The following GOLM1 variants were observed in gnomAD, a reference collection of about 807,000 sequenced individuals.
GOLM1 encodes epididymis luminal protein 46.
GOLM1 carries 31 observed loss-of-function variants against 50.5 expected under a neutral mutation model. The observed-to-expected ratio is 0.61, with a 90% CI of 0.46 to 0.83. The LOEUF (loss-of-function observed/expected upper bound fraction) is 0.83. GOLM1 is among the 40% of genes least tolerant of loss of function. The pLI is 0.00. For synonymous variants in GOLM1, 178 were observed against 192.8 expected (o/e 0.92, Z 0.64); for missense variants, 491 against 501.3 (o/e 0.98, Z 0.20).
At chr9:86,077,751 G>A (rs1834662606) in intron 2 of GOLM1, 160 bp from the exon 3 acceptor site, 2 of 585,112 alleles carry the variant, frequency 3.4e-6, no homozygotes, top group African/African-American at 3.7e-5. Flanking sequence ...GACAGAAGCT[G>A]GAGCGGTTTC....
At position 86,026,916 on chromosome 9, in the gene GOLM1, T is replaced by G; in HGVS notation, c.*901A>C. 1.0e-6 allele frequency: 1 copy of G among 984,944 alleles called. No individual in the cohort carries two copies. The highest frequency in any genetic ancestry group is 1.2e-6 in the Non-Finnish European group (1 of 829,550). 61.0% of individuals were successfully genotyped at this position (984,944 alleles called of 1,614,324 possible). ...ATATATCCTTCGACATCAATGAACT[T>G]TGTTTTCTTTTACTCCAGTAATAAA... On this transcript the variant is annotated 3_prime_UTR_variant, in exon 10 of 10. Coordinates refer to ENST00000388712, the MANE Select transcript of GOLM1 (RefSeq NM_016548.4).
At chr9:86,052,719 C>T (rs1833797141) in intron 3 of GOLM1, 128 bp from the exon 4 acceptor site, 1 of 728,460 alleles carries the variant, frequency 1.4e-6, no homozygotes, top group African/African-American at 2.0e-5. Flanking sequence ...AGCTCGCACT[C>T]AGCGCTCAGG....
chr9:86,033,450 G>A, intron 8 of GOLM1, 55 bp from the exon 9 acceptor site: 2 of 1,083,002 alleles, frequency 1.8e-6, no homozygotes, highest in Non-Finnish European at 2.8e-6. Flanking sequence ...TGATGTCACA[G>A]GACTATCAGA....
chr9:86,061,627 G>A (rs1214448948), intron 3 of GOLM1, among the ~76,000 whole-genome samples: 2 of 152,178 alleles, frequency 1.3e-5, no homozygotes, highest in African/African-American at 2.4e-5. Context: ...GACTTTGGAC[G>A]CTTCGTTTAA....
upstream of GOLM1, chr9:86,099,678 C>T (rs148272757): frequency 6.6e-6 from 1 of 150,938 alleles, no homozygotes; most frequent in Admixed American, 6.6e-5. Flanking sequence ...ACTCCCGGCC[C>T]CACGGTGCGC....
intron 3 of GOLM1, among the ~76,000 whole-genome samples, chr9:86,075,539 G>C (rs1834584810): frequency 6.6e-6 from 1 of 152,134 alleles, no homozygotes; most frequent in Non-Finnish European, 1.5e-5. Flanking sequence ...CAGATCCAGA[G>C]AATTTAAGTG....
chr9:86,058,402 A>G (rs1484975606), intron 3 of GOLM1, among the ~76,000 whole-genome samples: 3 of 152,202 alleles, frequency 2.0e-5, no homozygotes, highest in Non-Finnish European at 4.4e-5. Flanking sequence ...CACATCTATC[A>G]GTATGGCTAT....
Position 86,077,596 on chromosome 9 carries a change from A to G in GOLM1, c.130-5T>C. 1 of 1,611,414 alleles carries G rather than the reference A, an allele frequency of 6.2e-7. No homozygotes were observed. Among genetic ancestry groups the G allele is most frequent in the Non-Finnish European group, 8.5e-7 (1 of 1,178,112 alleles). ...TTCCAGCTCCATGATCCGTGTCTAC[A>G]AGGAGACCGTGGCATTAGGGCTGAT... On this transcript the variant is annotated splice_polypyrimidine_tract_variant and splice_region_variant and intron_variant, in intron 2 of 9. Transcript: ENST00000388712.
chr9:86,085,526 A>G (rs1834931249), intron 1 of GOLM1, among the ~76,000 whole-genome samples: 1 of 150,518 alleles, frequency 6.6e-6, no homozygotes, highest in Non-Finnish European at 1.5e-5. Context: ...CATGTGCAAA[A>G]CGTGCAGGTT....
rs1291260602 is a variant in GOLM1 at position 86,035,869 on chromosome 9, AAAAAAAAACAAAAC to A, written c.758-258_758-245del. 1.1e-3 allele frequency among the ~76,000 whole-genome samples: 140 copies of A among 130,092 alleles called. 10 individuals carry two copies. Among genetic ancestry groups the A allele is most frequent in the African/African-American group, 1.5e-3 (50 of 33,722 alleles). The allele number at this position is 130,092 out of a possible 152,430, so 85.3% of individuals were successfully genotyped here. A position where few individuals can be genotyped will look rare whatever the true frequency, so the allele number is the denominator to read the frequency against. ...GACAAAGGGAAAAGTAGCTTACCAA[AAAAAAAAACAAAAC>A]AAAAAAAAAAAAACACCTGGACTAA... On this transcript the variant is annotated intron_variant, in intron 7 of 9. Coordinates refer to ENST00000388712, the MANE Select transcript of GOLM1 (RefSeq NM_016548.4).
chr9:86,060,862 G>A (rs1479760321), intron 3 of GOLM1, among the ~76,000 whole-genome samples: 1 of 84,660 alleles, frequency 1.2e-5, no homozygotes, highest in African/African-American at 3.9e-5. Context: ...TGGGCAACAA[G>A]AGCGAAACTC....
chr9:86,097,769 TA>T (rs1393269835), intron 1 of GOLM1, among the ~76,000 whole-genome samples: 2 of 152,256 alleles, frequency 1.3e-5, no homozygotes, highest in East Asian at 3.9e-4. Flanking sequence ...TTTCACAGGA[TA>T]AGGGTAGCAG....
chr9:86,027,627 A>ACC lies in GOLM1; in HGVS notation c.*188_*189dup. The ACC allele has an allele frequency of 7.3e-7, 1 of 1,365,308 alleles. No individual in the cohort carries two copies. Among genetic ancestry groups the ACC allele is most frequent in the Non-Finnish European group, 9.4e-7 (1 of 1,063,838 alleles). 84.6% of individuals were successfully genotyped at this position (1,365,308 alleles called of 1,614,324 possible). ...ACACCTTATTAGACACTTCCAAAGT[A>ACC]CCCCCCAAAAGCTGTTTAAAAGACC... is the stretch of plus-strand genomic sequence containing the variant. On this transcript the variant is annotated 3_prime_UTR_variant, in exon 10 of 10. Transcript: ENST00000388712.
intron 7 of GOLM1, 112 bp downstream of exon 7, chr9:86,036,236 C>T (rs912175255): frequency 1.9e-6 from 2 of 1,080,172 alleles, no homozygotes; most frequent in African/African-American, 3.1e-5. Flanking sequence ...CGTCCCTGCT[C>T]CTGGCTGCGC....
chr9:86,035,671 TAAAAAAAAA>T lies in GOLM1; in HGVS notation c.758-55_758-47del, dbSNP rs375193474. The T allele has an allele frequency of 6.4e-5, 56 of 873,116 alleles. No homozygotes were observed. In the African/African-American group the frequency reaches 7.3e-4, roughly 11 times the overall value. The allele number at this position is 873,116 out of a possible 1,614,324, so 54.1% of individuals were successfully genotyped here. A position where few individuals can be genotyped will look rare whatever the true frequency, so the allele number is the denominator to read the frequency against. On this transcript the variant is annotated intron_variant, in intron 7 of 9. Coordinates refer to ENST00000388712, the MANE Select transcript of GOLM1 (RefSeq NM_016548.4). ...GCTGTGACCTTGCCAGCATTTGATT[TAAAAAAAAA>T]AAAAAAAAAAAAAGCAAAACCTGGT...
rs10124021 is a variant in GOLM1, at chr9:86,047,279, C to T, written c.365-707G>A. Among the ~76,000 whole-genome samples, 607 of 152,306 alleles carry T rather than the reference C, an allele frequency of 4.0e-3. 5 individuals are homozygous for T. Among genetic ancestry groups the T allele is most frequent in the African/African-American group, 0.014 (573 of 41,552 alleles). ...GCCACCAGGCGGATACCACAGTGGG[C>T]GGCAGCAGCAGCCAGGCCCGGACAC... On this transcript the variant is annotated intron_variant, in intron 4 of 9. Transcript: ENST00000388712.
chr9:86,055,149 C>G (rs920417158), intron 3 of GOLM1, among the ~76,000 whole-genome samples: 1 of 152,168 alleles, frequency 6.6e-6, no homozygotes, highest in Non-Finnish European at 1.5e-5. Flanking sequence ...TCGCATCAAA[C>G]AAATCTGGTA....
chr9:86,098,357 T>C (rs1367467644), intron 1 of GOLM1, among the ~76,000 whole-genome samples: 1 of 152,184 alleles, frequency 6.6e-6, no homozygotes, highest in Non-Finnish European at 1.5e-5. Context: ...CCCTCCAAAA[T>C]TCAGAAATAC....
chr9:86,097,680 CCCTT>C (rs1468389479), intron 1 of GOLM1, among the ~76,000 whole-genome samples: 6 of 152,206 alleles, frequency 3.9e-5, no homozygotes, highest in Non-Finnish European at 5.9e-5. Flanking sequence ...TGATGCTCCA[CCCTT>C]CCTACTGATC....
Sources: allele counts gnomAD v4.1 joint callset (sites outside exome capture counted in the v4.1 genomes callset), GRCh38; gene constraint gnomAD v4.1.1; transcripts MANE v1.5; gene names NCBI Gene and HGNC (gene_info 2026-07-23, HGNC 2026-07-21).